The following ANOS1 variants were observed in gnomAD, a reference collection of about 807,000 sequenced individuals.
ANOS1 encodes anosmin-1.
A neutral mutation model predicts 59.0 loss-of-function variants in ANOS1; 6 were observed. That is an observed-to-expected ratio of 0.10 (90% CI 0.06 to 0.20). The LOEUF is 0.20. Ranked by LOEUF, ANOS1 falls within the 10% of genes least tolerant of loss-of-function variation. The pLI is 1.00. For missense variants in ANOS1, 433 were observed against 542.3 expected (o/e 0.80, Z 2.00); for synonymous variants, 217 against 223.4 (o/e 0.97, Z 0.25).
chrX:8,691,476 A>G (rs779447096), intron 2 of ANOS1, among the ~76,000 whole-genome samples: 3 of 111,678 alleles, frequency 2.7e-5, no homozygotes, highest in Non-Finnish European at 5.6e-5. Context: ...TAGACAATAG[A>G]CAGATAAATG....
chrX:8,591,052 GA>G (rs1425466584), intron 4 of ANOS1, among the ~76,000 whole-genome samples: 1 of 110,305 alleles, frequency 9.1e-6, no homozygotes, highest in Non-Finnish European at 1.9e-5. Flanking sequence ...CCATTAAAAA[GA>G]AAAAAAAGAC....
At chrX:8,597,655 TCC>T (rs1212680953) in intron 3 of ANOS1, among the ~76,000 whole-genome samples, 1,061 of 78,290 alleles carry the variant, frequency 0.014, 63 homozygotes, top group Admixed American at 0.11. Context: ...TTTTTCTTTC[TCC>T]CTTTTTTTTT....
rs756596733 is a variant in ANOS1, at chrX:8,572,806, G to C, written c.857-2102C>G. On this transcript the variant is annotated intron_variant, in intron 6 of 13. Transcript: ENST00000262648. Reference sequence around the variant, plus strand: ...ATGTATATCTTATATGAAACACACAGGTAATATGAGGTAGATGACCTGCAG... The same window carrying C: ...ATGTATATCTTATATGAAACACACACGTAATATGAGGTAGATGACCTGCAG... Among the ~76,000 whole-genome samples the C allele has an allele frequency of 3.6e-5, 4 of 111,352 alleles. No individual in the cohort carries two copies. The South Asian group carries it at 1.5e-3, about 43-fold the overall frequency.
chrX:8,699,612 TG>T, intron 2 of ANOS1, 85 bp downstream of exon 2: 1 of 692,346 alleles, frequency 1.4e-6, no homozygotes. Context: ...GATTTCTCTG[TG>T]CTGTCTTTGC....
intron 7 of ANOS1, among the ~76,000 whole-genome samples, chrX:8,569,402 G>C (rs191866064): frequency 0.014 from 1,611 of 112,571 alleles, 11 homozygotes; most frequent in Non-Finnish European, 0.021. Flanking sequence ...CAGCACTTTG[G>C]GAGGCCAAGG....
At position 8,679,336 on chromosome X, in the gene ANOS1, G is replaced by C. The variant is rs771393240; in HGVS notation, c.255+20362C>G. Reference sequence around the variant, plus strand: ...ATATCCTATGATTCCATTTGTATGAGGTTCTCAGAGTACTCGAATTCATAG... The same window carrying C: ...ATATCCTATGATTCCATTTGTATGACGTTCTCAGAGTACTCGAATTCATAG... On this transcript the variant is annotated intron_variant, in intron 2 of 13. Transcript: ENST00000262648. 4.5e-5 allele frequency among the ~76,000 whole-genome samples: 5 copies of C among 110,867 alleles called. No individual in the cohort carries two copies. The South Asian group carries it at 2.0e-3, about 43-fold the overall frequency.
Position 8,592,139 on chromosome X carries a change from A to T in ANOS1, c.542-4161T>A, listed in dbSNP as rs758746410. On this transcript the variant is annotated intron_variant, in intron 4 of 13. Transcript: ENST00000262648. ...TCATTGTGAGATTTTATTACTATTA[A>T]TTTTTATCATGAATCTAAATGATAT... Among the ~76,000 whole-genome samples, 13 of 112,000 alleles carry T rather than the reference A, an allele frequency of 1.2e-4. 1 individual carries two copies. The highest frequency in any genetic ancestry group is 4.2e-4 in the African/African-American group (13 of 30,897).
intron 2 of ANOS1, among the ~76,000 whole-genome samples, chrX:8,630,654 A>C (rs1227161902): frequency 9.0e-6 from 1 of 111,517 alleles, no homozygotes; most frequent in African/African-American, 3.3e-5. Flanking sequence ...GATTGCTAGT[A>C]GGAGAAAACA....
Position 8,568,267 on chromosome X carries a change from G to A in ANOS1, c.1172C>T (p.Ser391Phe). The A allele has an allele frequency of 8.3e-7, 1 of 1,210,429 alleles. No homozygotes were observed. ...TGCATGTGTCGATGTGAAGTGAAGG[G>A]ACACCTTTGCACTCTTCAGCCGTGT... ...GQTRLKSAKV[S>F]LHFTSTHATN... Residue 391 changes from serine to phenylalanine, a missense_variant, in exon 8 of 14, where the codon TCC becomes TTC. By Grantham distance (155) the Ser-to-Phe change is radical. Transcript: ENST00000262648.
intron 2 of ANOS1, 76 bp downstream of exon 2, chrX:8,699,622 G>C: frequency 1.3e-6 from 1 of 785,651 alleles, no homozygotes; most frequent in East Asian, 3.7e-5. Flanking sequence ...TGCTGTCTTT[G>C]CAACTTACTG....
intron 2 of ANOS1, among the ~76,000 whole-genome samples, chrX:8,663,414 T>C (rs1012103765): frequency 8.9e-6 from 1 of 111,756 alleles, no homozygotes; most frequent in Non-Finnish European, 1.9e-5. Flanking sequence ...CTGCAGGCAG[T>C]AGTTTGCTGA....
Position 8,534,847 on chromosome X carries a change from G to T in ANOS1, c.1843-387C>A, listed in dbSNP as rs138186479. Among the ~76,000 whole-genome samples, 347 of 111,965 alleles carry T rather than the reference G, an allele frequency of 3.1e-3. 1 individual carries two copies. The highest frequency in any genetic ancestry group is 4.7e-3 in the Non-Finnish European group (250 of 53,251). ...CTTGATAGTCCAAATTTCAGTGAAT[G>T]AGCCAACTGTTTTTCTTAAAACACA... On this transcript the variant is annotated intron_variant, in intron 12 of 13. Coordinates refer to ENST00000262648, the MANE Select transcript of ANOS1 (RefSeq NM_000216.4).
intron 2 of ANOS1, among the ~76,000 whole-genome samples, chrX:8,624,438 G>A (rs189067699): frequency 2.4e-3 from 263 of 111,896 alleles, no homozygotes; most frequent in African/African-American, 7.7e-3. Context: ...AAGTGAAAAT[G>A]CATTGTATTA....
intron 8 of ANOS1, chrX:8,566,294 C>A: frequency 2.7e-6 from 2 of 730,779 alleles, no homozygotes; most frequent in Non-Finnish European, 3.2e-6. Flanking sequence ...AAGGCAGAAA[C>A]CAAAATACAT....
intron 9 of ANOS1, among the ~76,000 whole-genome samples, chrX:8,547,945 A>G (rs939188621): frequency 5.4e-5 from 6 of 111,410 alleles, no homozygotes; most frequent in Admixed American, 3.8e-4. Context: ...TCAAATTCCT[A>G]ACCTCATGAT....
chrX:8,661,650 C>T (rs1306501753), intron 2 of ANOS1, among the ~76,000 whole-genome samples: 1 of 111,624 alleles, frequency 9.0e-6, no homozygotes, highest in African/African-American at 3.3e-5. Context: ...GACTACAAGT[C>T]CAAACACTAT....
chrX:8,670,226 T>G (rs772846846), intron 2 of ANOS1, among the ~76,000 whole-genome samples: 5 of 111,448 alleles, frequency 4.5e-5, no homozygotes, highest in South Asian at 3.8e-4. Flanking sequence ...AAAGTATCTA[T>G]CAGCATAGTG....
At chrX:8,617,642 A>T (rs1931198854) in intron 3 of ANOS1, among the ~76,000 whole-genome samples, 1 of 110,576 alleles carries the variant, frequency 9.0e-6, no homozygotes, top group Non-Finnish European at 1.9e-5. Context: ...TTAGCTGGGC[A>T]TGGTGGCAGG....
chrX:8,686,355 T>A (rs1348686219), intron 2 of ANOS1, among the ~76,000 whole-genome samples: 4 of 111,424 alleles, frequency 3.6e-5, no homozygotes, highest in Non-Finnish European at 5.6e-5. Context: ...TCAAGACAAT[T>A]TACAAAGCTA....
Sources: allele counts gnomAD v4.1 joint callset (sites outside exome capture counted in the v4.1 genomes callset), GRCh38; gene constraint gnomAD v4.1.1; transcripts MANE v1.5; gene names NCBI Gene and HGNC (gene_info 2026-07-23, HGNC 2026-07-21).